The following MITF variants were observed in gnomAD, a reference collection of about 807,000 sequenced individuals.
MITF encodes the protein microphthalmia-associated transcription factor.
Under a neutral mutation model 60.5 loss-of-function variants are expected in MITF, and 17 were observed. The observed-to-expected ratio is 0.28, with a 90% CI of 0.19 to 0.42. The LOEUF (loss-of-function observed/expected upper bound fraction) is 0.42, where lower values mean the gene tolerates loss of function less well. Ranked by LOEUF, MITF falls within the 10% of genes least tolerant of loss-of-function variation. The pLI, the probability that MITF is intolerant of heterozygous loss-of-function variation, is 1.00. For synonymous variants in MITF, 260 were observed against 248.5 expected, an observed-to-expected ratio of 1.05 and a Z score of -0.43; for missense variants, 622 against 683.5, an observed-to-expected ratio of 0.91 and a Z score of 1.00.
In MITF at chr3:69,800,087, T is replaced by C. The variant is rs112676824; in HGVS notation, c.104+60386T>C. ...CATTTCCATCACCCCAATAAGAAGC[T>C]TCGTACCTATTAGCAGTTAGTCCCA... On this transcript the variant is annotated intron_variant, in intron 1 of 9. Coordinates refer to ENST00000352241, the MANE Select transcript of MITF (RefSeq NM_001354604.2). 4.3e-3 allele frequency among the ~76,000 whole-genome samples: 661 copies of C among 152,268 alleles called. 6 individuals are homozygous for C. The highest frequency in any genetic ancestry group is 0.015 in the African/African-American group (613 of 41,548).
At chr3:69,759,184 T>A (rs2062175484) in intron 1 of MITF, among the ~76,000 whole-genome samples, 1 of 152,250 alleles carries the variant, frequency 6.6e-6, no homozygotes, top group Non-Finnish European at 1.5e-5. Flanking sequence ...CATAACTTTG[T>A]TTTATGTGTG....
intron 1 of MITF, among the ~76,000 whole-genome samples, chr3:69,745,186 A>G (rs1575655998): frequency 6.6e-6 from 1 of 152,320 alleles, no homozygotes; most frequent in African/African-American, 2.4e-5. Context: ...GGGTGTATGT[A>G]ATAGTTTATT....
At chr3:69,834,367 T>C (rs2063505064) in intron 1 of MITF, among the ~76,000 whole-genome samples, 1 of 152,210 alleles carries the variant, frequency 6.6e-6, no homozygotes, top group South Asian at 2.1e-4. Flanking sequence ...TTTTCTACTT[T>C]TATGATGTCA....
At chr3:69,742,041 G>A (rs115982455) in intron 1 of MITF, among the ~76,000 whole-genome samples, 1,928 of 152,248 alleles carry the variant, frequency 0.013, 23 homozygotes, top group African/African-American at 0.043. Context: ...GAATCTGCCC[G>A]CTTCTTACCA....
intron 1 of MITF, among the ~76,000 whole-genome samples, chr3:69,753,705 G>C (rs1704021467): frequency 6.6e-6 from 1 of 152,228 alleles, no homozygotes; most frequent in Admixed American, 6.5e-5. Flanking sequence ...GGAGCTTTAA[G>C]ACTTAATGAC....
At position 69,783,270 on chromosome 3, in the gene MITF, G is replaced by A. The variant is rs180879016; in HGVS notation, c.104+43569G>A. On this transcript the variant is annotated intron_variant, in intron 1 of 9. Coordinates refer to ENST00000352241, the MANE Select transcript of MITF (RefSeq NM_001354604.2). ...AGATACCTGAAATTACCTTTTGCTT[G>A]GATGCTCCTTGTCTCTCTTGCCCAT... is the stretch of plus-strand genomic sequence containing the variant. Among the ~76,000 whole-genome samples, 427 of 152,148 alleles carry A rather than the reference G, an allele frequency of 2.8e-3. 1 individual carries two copies. The highest frequency in any genetic ancestry group is 5.0e-3 in the Non-Finnish European group (337 of 67,984).
chr3:69,847,524 T>C (rs924578106), intron 1 of MITF, among the ~76,000 whole-genome samples: 1 of 152,172 alleles, frequency 6.6e-6, no homozygotes, highest in African/African-American at 2.4e-5. Flanking sequence ...ACCAGGTAGT[T>C]TGACTCCAGG....
At chr3:69,932,164 G>A (rs1319005673) in intron 2 of MITF, among the ~76,000 whole-genome samples, 1 of 152,166 alleles carries the variant, frequency 6.6e-6, no homozygotes, top group African/African-American at 2.4e-5. Context: ...GAGAGCAGGG[G>A]TCAGCATTTT....
At chr3:69,760,070 G>A (rs916546255) in intron 1 of MITF, among the ~76,000 whole-genome samples, 2 of 152,194 alleles carry the variant, frequency 1.3e-5, no homozygotes, top group Non-Finnish European at 2.9e-5. Flanking sequence ...GAGCCACTGC[G>A]CCCAGCCCTG....
At chr3:69,779,051 A>G (rs2062521338) in intron 1 of MITF, 1 of 152,244 alleles carries the variant, frequency 6.6e-6, no homozygotes, top group Admixed American at 6.5e-5. Context: ...AGGTAACATT[A>G]TTCGGGGTAT....
At chr3:69,951,910 A>G in intron 7 of MITF, 24 bp downstream of exon 7, 3 of 1,542,888 alleles carry the variant, frequency 1.9e-6, no homozygotes, top group Non-Finnish European at 2.7e-6. Flanking sequence ...ATTTATGTTC[A>G]TGACATTTGA....
At chr3:69,759,590 G>A (rs969773088) in intron 1 of MITF, among the ~76,000 whole-genome samples, 4 of 152,224 alleles carry the variant, frequency 2.6e-5, no homozygotes, top group African/African-American at 9.6e-5. Context: ...GAATTTGAAA[G>A]TGGAGAATCC....
intron 1 of MITF, chr3:69,779,047 C>A (rs2062521246): frequency 6.6e-6 from 1 of 152,114 alleles, no homozygotes; most frequent in Non-Finnish European, 1.5e-5. Context: ...TTGAAGGTAA[C>A]ATTATTCGGG....
chr3:69,778,172 T>C (rs1441201154), intron 1 of MITF, among the ~76,000 whole-genome samples: 1 of 152,038 alleles, frequency 6.6e-6, no homozygotes, highest in African/African-American at 2.4e-5. Context: ...CTTTTAGATT[T>C]CTCACATGGG....
intron 2 of MITF, chr3:69,936,853 T>C (rs1576001840): frequency 8.9e-7 from 1 of 1,129,068 alleles, no homozygotes; most frequent in East Asian, 2.5e-5. Context: ...CTGTTTTCAA[T>C]AAGTATAAAT....
intron 1 of MITF, among the ~76,000 whole-genome samples, chr3:69,848,995 C>T (rs1337339544): frequency 9.8e-5 from 12 of 122,620 alleles, no homozygotes; most frequent in East Asian, 2.4e-4. Context: ...GACGGAGTCT[C>T]GCTCTGTCGC....
intron 1 of MITF, among the ~76,000 whole-genome samples, chr3:69,803,276 C>T (rs1448562628): frequency 1.3e-5 from 2 of 152,180 alleles, no homozygotes. Context: ...TACATTTGTA[C>T]ACTGCCGTCT....
chr3:69,959,675 G>A (rs1436531580), intron 9 of MITF, among the ~76,000 whole-genome samples: 3 of 152,292 alleles, frequency 2.0e-5, no homozygotes, highest in African/African-American at 4.8e-5. Flanking sequence ...TTCCAGGTGA[G>A]GTCGAATGAC....
chr3:69,776,917 T>C (rs1171454462), intron 1 of MITF, among the ~76,000 whole-genome samples: 1 of 152,206 alleles, frequency 6.6e-6, no homozygotes, highest in African/African-American at 2.4e-5. Flanking sequence ...ATATTCGAAG[T>C]GAATTCCACA....
Sources: gnomAD v4.1 joint callset for allele counts (sites outside exome capture counted in the v4.1 genomes callset) on GRCh38, gnomAD v4.1.1 for gene constraint, MANE v1.5 for transcripts, NCBI Gene and HGNC (gene_info 2026-07-23, HGNC 2026-07-21) for gene names.